The following PPFIA2 variants were observed in gnomAD, a reference collection of about 807,000 sequenced individuals.
PPFIA2 encodes liprin-alpha-2.
A neutral mutation model predicts 175.5 loss-of-function variants in PPFIA2; 46 were observed. That is an observed-to-expected ratio of 0.26 (90% confidence interval 0.21 to 0.34). The LOEUF is 0.34. Among genes scored for constraint, PPFIA2 ranks in the 10% least tolerant of loss-of-function variants. The probability of loss-of-function intolerance (pLI) is 1.00; values close to 1 mark genes in which losing one functional copy is unlikely to be tolerated. For synonymous variants in PPFIA2, 568 were observed against 511.4 expected, an observed-to-expected ratio of 1.11 and a Z score of -1.49; for missense variants, 1,179 against 1,506.1, an observed-to-expected ratio of 0.78 and a Z score of 3.60.
At chr12:81,414,186 A>T (rs1348562259) in intron 7 of PPFIA2, among the ~76,000 whole-genome samples, 3 of 151,798 alleles carry the variant, frequency 2.0e-5, no homozygotes, top group African/African-American at 7.2e-5. Flanking sequence ...TAAAAATATT[A>T]TGCTGTAATG....
chr12:81,706,464 C>T (rs890447309), intron 3 of PPFIA2, among the ~76,000 whole-genome samples: 1 of 152,070 alleles, frequency 6.6e-6, no homozygotes, highest in Non-Finnish European at 1.5e-5. Context: ...GCTTCCACAA[C>T]CTTAAAAATT....
chr12:81,644,974 C>T (rs1210357183), intron 4 of PPFIA2, among the ~76,000 whole-genome samples: 1 of 116,736 alleles, frequency 8.6e-6, no homozygotes, highest in Non-Finnish European at 1.8e-5. Context: ...TAAACAAAAA[C>T]ACAAAGGGAG....
intron 5 of PPFIA2, among the ~76,000 whole-genome samples, chr12:81,449,739 T>C (rs570375585): frequency 2.0e-5 from 3 of 151,916 alleles, no homozygotes; most frequent in African/African-American, 7.2e-5. Flanking sequence ...GCTGCACCCA[T>C]TAACTCGTCA....
At position 81,354,296 on chromosome 12, in the gene PPFIA2, C is replaced by T. The variant is rs151319228; in HGVS notation, c.1774-957G>A. On this transcript the variant is annotated intron_variant, in intron 16 of 32. Transcript: ENST00000549396. Reference sequence around the variant, plus strand: ...CCCAGAGTAGAACTTCTTTCAAAATCGGAATCAATCCTCTCACACCCTGAA... The same window carrying T: ...CCCAGAGTAGAACTTCTTTCAAAATTGGAATCAATCCTCTCACACCCTGAA... Among the ~76,000 whole-genome samples the T allele has an allele frequency of 5.4e-3, 816 of 152,252 alleles. 1 individual carries two copies. Among genetic ancestry groups the T allele is most frequent in the Admixed American group, 8.4e-3 (128 of 15,292 alleles).
intron 4 of PPFIA2, among the ~76,000 whole-genome samples, chr12:81,615,148 G>T (rs2061323977): frequency 6.6e-6 from 1 of 152,188 alleles, no homozygotes; most frequent in South Asian, 2.1e-4. Flanking sequence ...CAAATGGATT[G>T]GGAAAGATAG....
At chr12:81,674,007 G>A (rs2071952366) in intron 4 of PPFIA2, among the ~76,000 whole-genome samples, 1 of 151,880 alleles carries the variant, frequency 6.6e-6, no homozygotes, top group South Asian at 2.1e-4. Flanking sequence ...ATTCTTACCA[G>A]ATATGCAAAT....
intron 4 of PPFIA2, chr12:81,471,228 C>T (rs1411852697): frequency 1.3e-5 from 2 of 151,856 alleles, no homozygotes; most frequent in African/African-American, 2.4e-5. Context: ...ACTGCATCCT[C>T]TACCTCCTGA....
chr12:81,491,786 T>C (rs958734921), intron 4 of PPFIA2, among the ~76,000 whole-genome samples: 3 of 152,004 alleles, frequency 2.0e-5, no homozygotes, highest in South Asian at 2.1e-4. Flanking sequence ...CAGCACTTTA[T>C]CAAGGTCATC....
At chr12:81,730,733 T>C (rs1370921668) in intron 3 of PPFIA2, among the ~76,000 whole-genome samples, 1 of 151,616 alleles carries the variant, frequency 6.6e-6, no homozygotes, top group Non-Finnish European at 1.5e-5. Context: ...CTGCTATATG[T>C]TAGATAACAA....
Position 81,288,648 on chromosome 12 carries a change from G to A in PPFIA2, c.2926-4345C>T, listed in dbSNP as rs545730161. The stretch of plus-strand genomic sequence containing the variant: ...TAATCCTAAATCTTACCTAGTTAAA[G>A]TAACTTTTGTTACTACCTAGGTCAT... On this transcript the variant is annotated intron_variant, in intron 24 of 32. Transcript: ENST00000549396. Among the ~76,000 whole-genome samples, 7 of 151,702 alleles carry A rather than the reference G, an allele frequency of 4.6e-5. No individual in the cohort carries two copies. The South Asian group carries it at 1.5e-3, about 31-fold the overall frequency.
chr12:81,627,400 C>T (rs2062840678), intron 4 of PPFIA2, among the ~76,000 whole-genome samples: 1 of 151,880 alleles, frequency 6.6e-6, no homozygotes, highest in Non-Finnish European at 1.5e-5. Context: ...CTCATGTACC[C>T]CATAAATATG....
chr12:81,446,218 A>G (rs1374728281), intron 5 of PPFIA2, among the ~76,000 whole-genome samples: 2 of 152,244 alleles, frequency 1.3e-5, no homozygotes, highest in African/African-American at 4.8e-5. Flanking sequence ...CTTTAGATTA[A>G]TTATAGAAAA....
At chr12:81,448,551 T>C (rs1016475221) in intron 5 of PPFIA2, among the ~76,000 whole-genome samples, 8 of 152,234 alleles carry the variant, frequency 5.3e-5, no homozygotes, top group African/African-American at 1.7e-4. Flanking sequence ...GTCAAAGTCC[T>C]TATACATCCC....
chr12:81,594,899 C>T (rs906632318), intron 4 of PPFIA2, among the ~76,000 whole-genome samples: 1 of 152,004 alleles, frequency 6.6e-6, no homozygotes, highest in South Asian at 2.1e-4. Flanking sequence ...GGCAACAGAG[C>T]GAGATGCTGT....
intron 19 of PPFIA2, among the ~76,000 whole-genome samples, chr12:81,343,568 T>A (rs1411667766): frequency 6.6e-6 from 1 of 152,064 alleles, no homozygotes; most frequent in East Asian, 1.9e-4. Context: ...CCAGGAGTGT[T>A]CCAATGTTTG....
chr12:81,403,462 T>C (rs2042397015), intron 8 of PPFIA2, among the ~76,000 whole-genome samples: 1 of 152,136 alleles, frequency 6.6e-6, no homozygotes, highest in African/African-American at 2.4e-5. Context: ...ATTGTTAGAG[T>C]AGGTAGTTAG....
chr12:81,653,249 T>C (rs1408162320), intron 4 of PPFIA2, among the ~76,000 whole-genome samples: 1 of 152,126 alleles, frequency 6.6e-6, no homozygotes, highest in Non-Finnish European at 1.5e-5. Flanking sequence ...TGGAATAAAA[T>C]CCAGACTCCT....
intron 28 of PPFIA2, among the ~76,000 whole-genome samples, chr12:81,268,680 T>C (rs533187690): frequency 1.3e-5 from 2 of 152,364 alleles, no homozygotes; most frequent in East Asian, 3.9e-4. Flanking sequence ...TTTCTTGTTT[T>C]CATACTAGAG....
chr12:81,691,848 A>C (rs1388865355), intron 3 of PPFIA2, among the ~76,000 whole-genome samples: 5 of 152,108 alleles, frequency 3.3e-5, no homozygotes, highest in East Asian at 3.9e-4. Context: ...AGAAAAAGAT[A>C]AATTTTATTT....
Sources: gnomAD v4.1 joint callset for allele counts (sites outside exome capture counted in the v4.1 genomes callset) on GRCh38, gnomAD v4.1.1 for gene constraint, MANE v1.5 for transcripts, NCBI Gene and HGNC (gene_info 2026-07-23, HGNC 2026-07-21) for gene names.